Variants in NEK4 observed in about 807,000 individuals in gnomAD.
NEK4 encodes the protein serine/threonine-protein kinase Nek4.
In NEK4, 86 loss-of-function variants were observed where a neutral mutation model predicts 98.4. The observed-to-expected ratio is 0.87, with a 90% CI of 0.73 to 1.05. The LOEUF is 1.05. Ranked by LOEUF, NEK4 falls within the 50% of genes least tolerant of loss-of-function variation. The probability of loss-of-function intolerance (pLI) is 0.00; values close to 1 mark genes in which losing one functional copy is unlikely to be tolerated. For missense variants in NEK4, 898 were observed against 950.3 expected, an observed-to-expected ratio of 0.94 and a Z score of 0.72; for synonymous variants, 328 against 342.2, an observed-to-expected ratio of 0.96 and a Z score of 0.46.
intron 15 of NEK4, among the ~76,000 whole-genome samples, chr3:52,723,110 C>T (rs751190280): frequency 7.2e-5 from 11 of 151,926 alleles, no homozygotes; most frequent in Non-Finnish European, 1.0e-4. Flanking sequence ...GAAGCTAAGG[C>T]GGGAGGATCA....
At chr3:52,747,013 T>C (rs2097397377) in intron 8 of NEK4, 109 bp from the exon 9 acceptor site, 9 of 801,144 alleles carry the variant, frequency 1.1e-5, no homozygotes, top group South Asian at 9.1e-5. Flanking sequence ...ATGAAAACTT[T>C]CCTCAGTTTT....
At position 52,743,381 on chromosome 3, in the gene NEK4, G is replaced by A. The variant is rs200698397; in HGVS notation, c.1975C>T (p.Arg659Trp). 94 of 1,614,030 alleles carry A rather than the reference G, an allele frequency of 5.8e-5. No homozygotes were observed. The highest frequency in any genetic ancestry group is 1.3e-4 in the African/African-American group (10 of 75,032). The stretch of plus-strand genomic sequence containing the variant: ...GTGACGCTGCAGTCAGAGGAGAGCC[G>A]TCGGGCAGGCAAGGGCTGGTCTTCT... ...QEEDQPLPAR[R>W]LSSDCSVTQE... is the part of the protein sequence containing the mutation. Residue 659 changes from arginine (R) to tryptophan (W), a missense_variant, in exon 12 of 16, where the codon CGG (arginine) becomes TGG (tryptophan). Physicochemically the swap from Arg to Trp is moderately radical, Grantham distance 101. Coordinates refer to ENST00000233027, the MANE Select transcript of NEK4 (RefSeq NM_003157.6).
rs186495622 is a variant in NEK4 at position 52,718,452 on chromosome 3, G to A, written c.2434-6583C>T. ...CATGCCACTGCACTCCAGCCTGGGC[G>A]ACAGAGTAAGACTCCGTCTCAAAAA... On this transcript the variant is annotated intron_variant, in intron 15 of 15. Transcript: ENST00000233027. 2.6e-3 allele frequency among the ~76,000 whole-genome samples: 352 copies of A among 137,002 alleles called. 1 individual carries two copies. Among genetic ancestry groups the A allele is most frequent in the Non-Finnish European group, 3.1e-3 (200 of 65,022 alleles). 89.9% of individuals were successfully genotyped at this position (137,002 alleles called of 152,430 possible).
intron 2 of NEK4, among the ~76,000 whole-genome samples, chr3:52,768,003 C>T (rs759652918): frequency 3.9e-5 from 6 of 152,178 alleles, no homozygotes; most frequent in Non-Finnish European, 7.3e-5. Flanking sequence ...GCCTAGCCAC[C>T]TTTCAGCATG....
At chr3:52,743,561 C>G (rs1294964412) in intron 11 of NEK4, 100 bp from the exon 12 acceptor site, 2 of 824,090 alleles carry the variant, frequency 2.4e-6, no homozygotes, top group Non-Finnish European at 4.0e-6. Flanking sequence ...GGAGCTAGCC[C>G]AAAAGTAAGT....
At chr3:52,755,233 T>G (rs533785839) in intron 6 of NEK4, among the ~76,000 whole-genome samples, 1 of 151,556 alleles carries the variant, frequency 6.6e-6, no homozygotes, top group South Asian at 2.1e-4. Context: ...AAAAAGTAGA[T>G]GAGAGCTTAC....
chr3:52,723,266 A>G (rs1181724698), intron 15 of NEK4, among the ~76,000 whole-genome samples: 1 of 151,736 alleles, frequency 6.6e-6, no homozygotes, highest in South Asian at 2.1e-4. Flanking sequence ...AGAAAAAAAG[A>G]ATTTTTTTTT....
chr3:52,766,423 G>T, intron 2 of NEK4, 48 bp from the exon 3 acceptor site: 2 of 1,363,994 alleles, frequency 1.5e-6, no homozygotes, highest in Non-Finnish European at 2.1e-6. Flanking sequence ...ACTTAATTAT[G>T]TATTTATTCC....
At chr3:52,715,718 C>A (rs568369869) in intron 15 of NEK4, among the ~76,000 whole-genome samples, 32 of 152,306 alleles carry the variant, frequency 2.1e-4, no homozygotes, top group Non-Finnish European at 4.6e-4. Flanking sequence ...AACTCCTCTT[C>A]CTCTTGCTTA....
chr3:52,726,988 T>C (rs1436814861), intron 15 of NEK4, among the ~76,000 whole-genome samples: 3 of 130,220 alleles, frequency 2.3e-5, no homozygotes, highest in South Asian at 4.7e-4. Context: ...TTTTTTTTTT[T>C]CCTGAGACAG....
At position 52,741,766 on chromosome 3, in the gene NEK4, G is replaced by GT. The variant is rs543944241; in HGVS notation, c.2005-268dup. On this transcript the variant is annotated intron_variant, in intron 12 of 15. Transcript: ENST00000233027. ...TCAGATGAAGTTTTTTATTTTGTTTGTTTTTTTTTTGTTTTGATTTTTGTG... is the reference window on the plus strand; with the variant it reads ...TCAGATGAAGTTTTTTATTTTGTTTGTTTTTTTTTTTGTTTTGATTTTTGTG... 9.8e-3 allele frequency among the ~76,000 whole-genome samples: 1,438 copies of GT among 147,436 alleles called. 9 individuals are homozygous for GT. Among genetic ancestry groups the GT allele is most frequent in the Non-Finnish European group, 0.015 (963 of 66,306 alleles).
In NEK4 at chr3:52,770,909, C is replaced by G. The variant is rs1477322983; in HGVS notation, c.-163G>C. 1 of 622,116 alleles carries G rather than the reference C, an allele frequency of 1.6e-6. No individual in the cohort carries two copies. Among genetic ancestry groups the G allele is most frequent in the African/African-American group, 1.9e-5 (1 of 53,012 alleles). 38.5% of individuals were successfully genotyped at this position (622,116 alleles called of 1,614,324 possible). ...TGGGGCCCGGCCCGCGACGACGCCG[C>G]TGCCATAGCGATCCGGGCCGGGAGC... is the stretch of plus-strand genomic sequence containing the variant. On this transcript the variant is annotated 5_prime_UTR_variant, in exon 1 of 16. Coordinates refer to ENST00000233027, the MANE Select transcript of NEK4 (RefSeq NM_003157.6).
intron 15 of NEK4, among the ~76,000 whole-genome samples, chr3:52,737,159 G>C (rs1241343469): frequency 1.3e-5 from 2 of 151,954 alleles, no homozygotes; most frequent in Non-Finnish European, 2.9e-5. Flanking sequence ...GGCCAGGCTG[G>C]TCTGGTACTC....
rs112536258 is a variant in NEK4, at chr3:52,739,047, A to T, written c.2299+382T>A. 3.4e-3 allele frequency among the ~76,000 whole-genome samples: 524 copies of T among 152,372 alleles called. 1 individual carries two copies. Among genetic ancestry groups the T allele is most frequent in the Non-Finnish European group, 5.2e-3 (356 of 68,032 alleles). ...TAAAAACACAAAAAAATTTATAGGC[A>T]TTAGTTCCTTGTTTTGACACAGTTC... On this transcript the variant is annotated intron_variant, in intron 14 of 15. Transcript: ENST00000233027.
chr3:52,740,934 T>C (rs1468261107), intron 13 of NEK4, among the ~76,000 whole-genome samples: 1 of 147,272 alleles, frequency 6.8e-6, no homozygotes, highest in African/African-American at 2.5e-5. Context: ...AAAAAAAAAA[T>C]GTGAAGAAAT....
chr3:52,737,432 T>C lies in NEK4; in HGVS notation c.2433+154A>G, dbSNP rs1578648420. 1.3e-5 allele frequency: 9 copies of C among 688,436 alleles called. No homozygotes were observed. The South Asian group carries it at 1.7e-4, about 13-fold the overall frequency. 42.6% of individuals were successfully genotyped at this position (688,436 alleles called of 1,614,324 possible). On this transcript the variant is annotated intron_variant, in intron 15 of 15. Coordinates refer to ENST00000233027, the MANE Select transcript of NEK4 (RefSeq NM_003157.6). Reference sequence around the variant, plus strand: ...CGTAATGAAAATGTTCTAATATCGATTGTGGTAATGACTGTACAATGTTGT... The same window carrying C: ...CGTAATGAAAATGTTCTAATATCGACTGTGGTAATGACTGTACAATGTTGT...
rs1358320918 is a variant in NEK4 at position 52,752,260 on chromosome 3, T to C, written c.1040A>G (p.His347Arg). ...LLKSPASLKA[H>R]TCKQDLSNTT... ...ATTGCTCAAGTCCTGTTTGCAGGTA[T>C]GGGCTTTCAGACTGGCAGGTGACTT... The change falls in exon 7 of 16, where the codon CAT becomes CGT. Residue 347 changes from histidine to arginine, a missense_variant. Coordinates refer to ENST00000233027, the MANE Select transcript of NEK4 (RefSeq NM_003157.6). The C allele has an allele frequency of 1.2e-6, 2 of 1,614,220 alleles. No individual in the cohort carries two copies. The highest frequency in any genetic ancestry group is 2.2e-5 in the East Asian group (1 of 44,886).
At chr3:52,750,107 A>C (rs1415157902) in intron 7 of NEK4, among the ~76,000 whole-genome samples, 1 of 152,254 alleles carries the variant, frequency 6.6e-6, no homozygotes, top group African/African-American at 2.4e-5. Flanking sequence ...GTACATACTC[A>C]ACAGAACTGA....
chr3:52,766,136 T>C (rs957253221), intron 3 of NEK4, 42 bp downstream of exon 3: 3 of 1,559,846 alleles, frequency 1.9e-6, no homozygotes, highest in Non-Finnish European at 2.6e-6. Flanking sequence ...ACAAGCACTC[T>C]CCCAGAGACA....
Sources: allele counts gnomAD v4.1 joint callset (sites outside exome capture counted in the v4.1 genomes callset), GRCh38; gene constraint gnomAD v4.1.1; transcripts MANE v1.5; gene names NCBI Gene and HGNC (gene_info 2026-07-23, HGNC 2026-07-21).